CORO2A: variants seen among roughly 807,000 people sequenced by gnomAD.
CORO2A encodes coronin 2A.
A neutral mutation model predicts 62.4 loss-of-function variants in CORO2A; 47 were observed. That is an observed-to-expected ratio of 0.75 (90% CI 0.60 to 0.96). The LOEUF (loss-of-function observed/expected upper bound fraction) is 0.96. Ranked by LOEUF, CORO2A falls within the 40% of genes least tolerant of loss-of-function variation. The pLI is 0.00. For missense variants in CORO2A, 610 were observed against 684.1 expected (o/e 0.89, Z 1.21); for synonymous variants, 273 against 268.9 (o/e 1.02, Z -0.15).
rs143420950 is a variant in CORO2A, at chr9:98,157,623, C to A, written c.38G>T (p.Arg13Leu). The A allele has an allele frequency of 2.0e-4, 324 of 1,613,844 alleles. No individual in the cohort carries two copies. Among genetic ancestry groups the A allele is most frequent in the Non-Finnish European group, 2.6e-4 (303 of 1,179,844 alleles). ...GCTGGCTGGTTTGCCAAAGACATGA[C>A]GGAACTTGGAGCTCCGGTACTGGGG... ...WHPQYRSSKF[R>L]HVFGKPASKE... The change falls in exon 2 of 12, where the codon CGT becomes CTT. Residue 13 changes from arginine (R) to leucine (L), a missense_variant. Arg to Leu is a moderately radical substitution (Grantham distance 102). Coordinates refer to ENST00000375077, the MANE Select transcript of CORO2A (RefSeq NM_052820.4).
At chr9:98,174,727 C>A (rs1312592869) in intron 1 of CORO2A, among the ~76,000 whole-genome samples, 1 of 152,152 alleles carries the variant, frequency 6.6e-6, no homozygotes. Context: ...GAAGAAGGTG[C>A]CAGCTTCCCC....
intron 1 of CORO2A, among the ~76,000 whole-genome samples, chr9:98,161,654 G>A (rs910618704): frequency 6.6e-6 from 1 of 152,158 alleles, no homozygotes; most frequent in Non-Finnish European, 1.5e-5. Context: ...GGAAAGGATA[G>A]AGCAGGTAAG....
At chr9:98,141,808 C>T (rs781506749) in intron 2 of CORO2A, among the ~76,000 whole-genome samples, 1 of 152,110 alleles carries the variant, frequency 6.6e-6, no homozygotes, top group Non-Finnish European at 1.5e-5. Context: ...TCATTTCTTC[C>T]TTGCAGGATT....
At chr9:98,163,335 G>A (rs1011566780) in intron 1 of CORO2A, among the ~76,000 whole-genome samples, 25 of 152,182 alleles carry the variant, frequency 1.6e-4, no homozygotes, top group African/African-American at 1.4e-4. Flanking sequence ...GATAACAGGC[G>A]CATGCCACTG....
At chr9:98,128,561 G>T in intron 9 of CORO2A, 46 bp downstream of exon 9, 1 of 1,548,764 alleles carries the variant, frequency 6.5e-7, no homozygotes, top group South Asian at 1.1e-5. Context: ...GTCTTCTCCA[G>T]GACAGGTTCC....
chr9:98,129,740 C>T (rs1454159924), intron 8 of CORO2A, 54 bp downstream of exon 8: 26 of 1,393,726 alleles, frequency 1.9e-5, no homozygotes, highest in South Asian at 1.2e-4. Context: ...TCTCCCACCT[C>T]GGCCTCCCGA....
intron 1 of CORO2A, among the ~76,000 whole-genome samples, chr9:98,170,552 C>T (rs1028892571): frequency 6.6e-6 from 1 of 152,156 alleles, no homozygotes; most frequent in East Asian, 1.9e-4. Context: ...AGTGATTCTC[C>T]TGCCTCAGCC....
At chr9:98,177,409 A>T (rs985840324) in intron 1 of CORO2A, among the ~76,000 whole-genome samples, 2 of 150,748 alleles carry the variant, frequency 1.3e-5, no homozygotes, top group Non-Finnish European at 2.9e-5. Flanking sequence ...TAGAGGTAGC[A>T]GGAGCAAGGA....
rs1827235575 is a variant in CORO2A at position 98,121,019 on chromosome 9, C to A, written c.*3755G>T. ...TGTTTATTATTTTGTTACATTATTT[C>A]CATTGCATATTCCACATCTATTTAT... On this transcript the variant is annotated 3_prime_UTR_variant, in exon 12 of 12. Transcript: ENST00000375077. 6.6e-6 allele frequency: 1 copy of A among 152,152 alleles called. No homozygotes were observed. The highest frequency in any genetic ancestry group is 1.5e-5 in the Non-Finnish European group (1 of 68,036). The allele number at this position is 152,152 out of a possible 1,614,324, so 9.4% of individuals were successfully genotyped here.
chr9:98,123,630 G>T lies in CORO2A; in HGVS notation c.*1144C>A, dbSNP rs1827273293. The T allele has an allele frequency of 6.6e-6, 1 of 151,970 alleles. No individual in the cohort carries two copies. Among genetic ancestry groups the T allele is most frequent in the Non-Finnish European group, 1.5e-5 (1 of 68,128 alleles). 9.4% of individuals were successfully genotyped at this position (151,970 alleles called of 1,614,324 possible). On this transcript the variant is annotated 3_prime_UTR_variant, in exon 12 of 12. Coordinates refer to ENST00000375077, the MANE Select transcript of CORO2A (RefSeq NM_052820.4). ...CTATCTCAGCCTCCCGAATAGCAGG[G>T]ACTACAGACGCTCACCACCACGGCT...
intron 8 of CORO2A, among the ~76,000 whole-genome samples, chr9:98,129,116 G>A (rs1476313137): frequency 6.6e-6 from 1 of 152,162 alleles, no homozygotes. Flanking sequence ...AGAGACAGGA[G>A]TCTCACTTTG....
intron 4 of CORO2A, among the ~76,000 whole-genome samples, chr9:98,134,399 C>T (rs59104692): frequency 5.9e-5 from 9 of 152,098 alleles, no homozygotes; most frequent in Admixed American, 4.6e-4. Flanking sequence ...AGGGTTCCCC[C>T]CAAAACTCAT....
intron 1 of CORO2A, among the ~76,000 whole-genome samples, chr9:98,175,278 A>G (rs1828093081): frequency 6.6e-6 from 1 of 151,992 alleles, no homozygotes; most frequent in African/African-American, 2.4e-5. Context: ...AGACACCAGG[A>G]GCCTCCCTGC....
chr9:98,148,689 C>T (rs971880895), intron 2 of CORO2A, among the ~76,000 whole-genome samples: 4 of 151,820 alleles, frequency 2.6e-5, no homozygotes, highest in Admixed American at 6.6e-5. Flanking sequence ...GGCTTCAGGG[C>T]TGCAGTGAGA....
intron 2 of CORO2A, among the ~76,000 whole-genome samples, chr9:98,141,960 G>A (rs1827574675): frequency 6.6e-6 from 1 of 152,112 alleles, no homozygotes; most frequent in African/African-American, 2.4e-5. Flanking sequence ...TAAAAGGAAT[G>A]AGCCAAAATG....
At chr9:98,163,711 G>GGTGTGT (rs72256502) in intron 1 of CORO2A, among the ~76,000 whole-genome samples, 4 of 138,794 alleles carry the variant, frequency 2.9e-5, no homozygotes, top group Non-Finnish European at 4.6e-5. Context: ...ATACATGCGG[G>GGTGTGT]GTGTGTGTGT....
intron 2 of CORO2A, among the ~76,000 whole-genome samples, chr9:98,141,685 T>A (rs932204371): frequency 2.6e-5 from 4 of 152,196 alleles, no homozygotes; most frequent in African/African-American, 9.7e-5. Context: ...CTCCAGGACA[T>A]CCTGTACACT....
At chr9:98,179,435 T>C (rs1216513659) in intron 1 of CORO2A, among the ~76,000 whole-genome samples, 2 of 152,208 alleles carry the variant, frequency 1.3e-5, no homozygotes, top group Non-Finnish European at 2.9e-5. Context: ...CCTCCCCATC[T>C]TCCAGGTCCT....
At chr9:98,154,352 T>TATATATATATATATATATAA in intron 2 of CORO2A, among the ~76,000 whole-genome samples, 6 of 94,068 alleles carry the variant, frequency 6.4e-5, no homozygotes, top group Admixed American at 3.5e-4. Flanking sequence ...TATATATATA[T>TATATATATATATATATATAA]ACACAAATAC....
Sources: gnomAD v4.1 joint callset for allele counts (sites outside exome capture counted in the v4.1 genomes callset) on GRCh38, gnomAD v4.1.1 for gene constraint, MANE v1.5 for transcripts, NCBI Gene and HGNC (gene_info 2026-07-23, HGNC 2026-07-21) for gene names.